Variants in ELAVL2 observed in about 807,000 individuals in gnomAD.
ELAVL2 encodes ELAV like RNA binding protein 2.
A neutral mutation model predicts 34.6 loss-of-function variants in ELAVL2; 4 were observed. The ratio of observed to expected loss-of-function variants is 0.12; its 90% CI spans 0.06 to 0.26. The LOEUF (loss-of-function observed/expected upper bound fraction) is 0.26, where lower values mean the gene tolerates loss of function less well. Among genes scored for constraint, ELAVL2 ranks in the 10% least tolerant of loss-of-function variants. The pLI, the probability that ELAVL2 is intolerant of heterozygous loss-of-function variation, is 1.00. For missense variants in ELAVL2, 432 were observed against 442.8 expected, an observed-to-expected ratio of 0.98 and a Z score of 0.22; for synonymous variants, 193 against 154.8, an observed-to-expected ratio of 1.25 and a Z score of -1.83.
In ELAVL2 at chr9:23,794,909, T is replaced by C. The variant is rs989031082; in HGVS notation, c.-16+30897A>G. Among the ~76,000 whole-genome samples, 6 of 152,178 alleles carry C rather than the reference T, an allele frequency of 3.9e-5. No homozygotes were observed. In the East Asian group the frequency reaches 9.6e-4, roughly 24 times the overall value. On this transcript the variant is annotated intron_variant, in intron 1 of 6. Coordinates refer to ENST00000397312, the MANE Select transcript of ELAVL2 (RefSeq NM_004432.5). ...ATACAAATTAGGTATATACAGCTCC[T>C]AGAAAAATAAAATTTAACTAAAGCT... is the stretch of plus-strand genomic sequence containing the variant.
At chr9:23,834,152 AG>A in the ELAVL2 span, among the ~76,000 whole-genome samples, 1 of 152,008 alleles carries the variant, frequency 6.6e-6, no homozygotes, top group Non-Finnish European at 1.5e-5. Flanking sequence ...GGAAAACTTG[AG>A]GGGTTTAAAT....
intron 1 of ELAVL2, among the ~76,000 whole-genome samples, chr9:23,796,406 T>C (rs767880074): frequency 1.3e-5 from 2 of 152,196 alleles, no homozygotes; most frequent in Non-Finnish European, 2.9e-5. Flanking sequence ...AGACATCACA[T>C]AAAAGGACTC....
chr9:23,780,225 A>G (rs926750294), intron 1 of ELAVL2, among the ~76,000 whole-genome samples: 5 of 152,012 alleles, frequency 3.3e-5, no homozygotes, highest in Admixed American at 6.6e-5. Flanking sequence ...TATAATAATC[A>G]TTTTACACTT....
At chr9:23,792,680 C>A (rs768596306) in intron 1 of ELAVL2, among the ~76,000 whole-genome samples, 1 of 152,342 alleles carries the variant, frequency 6.6e-6, no homozygotes, top group African/African-American at 2.4e-5. Context: ...TTTCTCCCAA[C>A]TTCTCAAGCC....
intron 1 of ELAVL2, among the ~76,000 whole-genome samples, chr9:23,814,711 T>C (rs2063475827): frequency 6.6e-6 from 1 of 152,124 alleles, no homozygotes; most frequent in African/African-American, 2.4e-5. Context: ...CTATAATAAA[T>C]GTTGTATATT....
chr9:23,728,349 A>T lies in ELAVL2; in HGVS notation c.333+2673T>A, dbSNP rs1279612375. On this transcript the variant is annotated intron_variant, in intron 3 of 6. Coordinates refer to ENST00000397312, the MANE Select transcript of ELAVL2 (RefSeq NM_004432.5). ...GATGAGATGACCACAGTTAAACTAAAAATGAGTGTGAAAGGGTATACCAAA... is the reference window on the plus strand; with the variant it reads ...GATGAGATGACCACAGTTAAACTAATAATGAGTGTGAAAGGGTATACCAAA... 5.9e-5 allele frequency among the ~76,000 whole-genome samples: 9 copies of T among 152,254 alleles called. No homozygotes were observed. The East Asian group carries it at 1.5e-3, about 26-fold the overall frequency.
intron 5 of ELAVL2, among the ~76,000 whole-genome samples, chr9:23,693,921 G>A (rs1374040977): frequency 6.6e-6 from 1 of 152,208 alleles, no homozygotes; most frequent in African/African-American, 2.4e-5. Flanking sequence ...CACAGGGCTA[G>A]TAAATTATGG....
At chr9:23,749,697 G>A (rs2051398130) in intron 2 of ELAVL2, among the ~76,000 whole-genome samples, 2 of 151,992 alleles carry the variant, frequency 1.3e-5, no homozygotes, top group South Asian at 4.1e-4. Flanking sequence ...GTTAGCCTCC[G>A]GTGAACATTT....
chr9:23,826,373 A>G (rs2065298528), upstream of ELAVL2: 1 of 152,330 alleles, frequency 6.6e-6, no homozygotes, highest in East Asian at 1.9e-4. Flanking sequence ...TATACGCCGA[A>G]TCGCGCCACA....
At chr9:23,784,121 C>G (rs2059406639) in intron 1 of ELAVL2, among the ~76,000 whole-genome samples, 1 of 151,970 alleles carries the variant, frequency 6.6e-6, no homozygotes, top group African/African-American at 2.4e-5. Flanking sequence ...TGGCGTGAAC[C>G]TGGGAGGCAG....
Position 23,770,684 on chromosome 9 carries a change from G to A in ELAVL2, c.-15-8435C>T, listed in dbSNP as rs139541631. Among the ~76,000 whole-genome samples the A allele has an allele frequency of 6.0e-3, 908 of 152,300 alleles. 6 individuals carry two copies. The highest frequency in any genetic ancestry group is 0.021 in the African/African-American group (878 of 41,580). On this transcript the variant is annotated intron_variant, in intron 1 of 6. Coordinates refer to ENST00000397312, the MANE Select transcript of ELAVL2 (RefSeq NM_004432.5). ...AGGCAAGGAAACAATCTCTCATAAA[G>A]ACTCTGGGAGGAATGCAGCCCTGCC...
intron 1 of ELAVL2, among the ~76,000 whole-genome samples, chr9:23,784,807 G>A (rs1588480289): frequency 6.6e-6 from 1 of 152,290 alleles, no homozygotes; most frequent in East Asian, 1.9e-4. Context: ...TATGTGGAAT[G>A]TCAGAATTCA....
At chr9:23,704,806 C>T in intron 4 of ELAVL2, 112 bp downstream of exon 4, 2 of 1,384,592 alleles carry the variant, frequency 1.4e-6, no homozygotes, top group Non-Finnish European at 2.0e-6. Context: ...TTCTGGCCCA[C>T]ATATACCTTT....
At chr9:23,781,474 A>G (rs1372096458) in intron 1 of ELAVL2, among the ~76,000 whole-genome samples, 1 of 151,852 alleles carries the variant, frequency 6.6e-6, no homozygotes, top group African/African-American at 2.4e-5. Flanking sequence ...ACCAAAACAT[A>G]CAGCAGAATA....
intron 1 of ELAVL2, among the ~76,000 whole-genome samples, chr9:23,816,389 T>C (rs2063728070): frequency 1.3e-5 from 2 of 149,054 alleles, no homozygotes; most frequent in South Asian, 4.2e-4. Context: ...ATTGCTTTGA[T>C]ATTTATAAAA....
chr9:23,802,414 T>C (rs1280746280), intron 1 of ELAVL2, among the ~76,000 whole-genome samples: 1 of 152,184 alleles, frequency 6.6e-6, no homozygotes, highest in Non-Finnish European at 1.5e-5. Context: ...AGTGATAGAA[T>C]CTGGTCATAG....
intron 1 of ELAVL2, among the ~76,000 whole-genome samples, chr9:23,818,278 G>C (rs985976108): frequency 5.9e-5 from 9 of 152,156 alleles, no homozygotes; most frequent in Non-Finnish European, 1.2e-4. Context: ...AATACTGACA[G>C]CTAAATACTA....
At chr9:23,821,080 G>C (rs1235991034) in intron 1 of ELAVL2, 1 of 152,504 alleles carries the variant, frequency 6.6e-6, no homozygotes, top group Non-Finnish European at 1.5e-5. Flanking sequence ...GTAGCAAGTG[G>C]GCACACACCA....
rs749429792 is a variant in ELAVL2, at chr9:23,701,370, C to A, written c.713+9G>T. ...TAGTAGCTGGGCACAAGAACCAAACCAGACTTACCTAAAACGCTGTGCCTG... is the reference window on the plus strand; with the variant it reads ...TAGTAGCTGGGCACAAGAACCAAACAAGACTTACCTAAAACGCTGTGCCTG... On this transcript the variant is annotated intron_variant, in intron 5 of 6. Coordinates refer to ENST00000397312, the MANE Select transcript of ELAVL2 (RefSeq NM_004432.5). The A allele has an allele frequency of 6.2e-7, 1 of 1,613,764 alleles. No individual in the cohort carries two copies. Among genetic ancestry groups the A allele is most frequent in the South Asian group, 1.1e-5 (1 of 91,050 alleles).
Sources: gnomAD v4.1 joint callset for allele counts (sites outside exome capture counted in the v4.1 genomes callset) on GRCh38, gnomAD v4.1.1 for gene constraint, MANE v1.5 for transcripts, NCBI Gene and HGNC (gene_info 2026-07-23, HGNC 2026-07-21) for gene names.